Variants in ZSCAN12 observed in about 807,000 individuals in gnomAD.
ZSCAN12 encodes zinc finger and SCAN domain-containing protein 12.
In ZSCAN12, 18 loss-of-function variants were observed where a neutral mutation model predicts 23.4. The ratio of observed to expected loss-of-function variants is 0.77; its 90% CI spans 0.53 to 1.14. The LOEUF (loss-of-function observed/expected upper bound fraction) is 1.14, where lower values mean the gene tolerates loss of function less well. Ranked by LOEUF, ZSCAN12 falls within the 50% of genes most tolerant of loss-of-function variation. ZSCAN12 has a pLI of 0.00. For synonymous variants in ZSCAN12, 186 were observed against 253.4 expected, an observed-to-expected ratio of 0.73 and a Z score of 2.53; for missense variants, 650 against 735.0, an observed-to-expected ratio of 0.88 and a Z score of 1.34.
chr6:28,391,851 GTGAT>G lies in ZSCAN12; in HGVS notation c.548-113_548-110del, dbSNP rs1760856524. On this transcript the variant is annotated intron_variant, in intron 3 of 3. Coordinates refer to ENST00000684592, the MANE Select transcript of ZSCAN12 (RefSeq NM_001163391.2). The surrounding 1 kb of genome is among the most constrained non-coding windows in gnomAD (Gnocchi z 4.1). ...AAAAATGCAAGAGTCTACCATCTTA[GTGAT>G]AAAGAGAGCAAAATATATTTGTTTC... 1.1e-6 allele frequency: 1 copy of G among 927,200 alleles called. No homozygotes were observed. The highest frequency in any genetic ancestry group is 1.5e-6 in the Non-Finnish European group (1 of 648,546). The allele number at this position is 927,200 out of a possible 1,614,324, so 57.4% of individuals were successfully genotyped here. A position where few individuals can be genotyped will look rare whatever the true frequency, so the allele number is the denominator to read the frequency against.
chr6:28,390,487 A>C lies in ZSCAN12; in HGVS notation c.1803T>G (p.Thr601=), dbSNP rs1330039393. The C allele has an allele frequency of 6.5e-7, 1 of 1,548,308 alleles. No homozygotes were observed. Among genetic ancestry groups the C allele is most frequent in the East Asian group, 2.4e-5 (1 of 40,930 alleles). The change falls in exon 4 of 4, where the codon ACT becomes ACG. Residue 601 remains threonine, a synonymous_variant. Transcript: ENST00000684592. ...RQNSALTQHQ[T]IHKGEKSVSV ...AAACAGATTTTTCTCCTTTGTGGATAGTCTGATGTTGAGTAAGAGCTGAGT... is the reference window on the plus strand; with the variant it reads ...AAACAGATTTTTCTCCTTTGTGGATCGTCTGATGTTGAGTAAGAGCTGAGT...
chr6:28,389,403 G>C lies in ZSCAN12; in HGVS notation c.*1051C>G, dbSNP rs1760703971. Reference sequence around the variant, plus strand: ...ACATGTTCCCTGTAAGGATCTCCTTGTGCTAAAAGTCTGCAGTGGCCTTTA... The same window carrying C: ...ACATGTTCCCTGTAAGGATCTCCTTCTGCTAAAAGTCTGCAGTGGCCTTTA... On this transcript the variant is annotated 3_prime_UTR_variant, in exon 4 of 4. Coordinates refer to ENST00000684592, the MANE Select transcript of ZSCAN12 (RefSeq NM_001163391.2). 6.6e-6 allele frequency among the ~76,000 whole-genome samples: 1 copy of C among 152,166 alleles called. No individual in the cohort carries two copies. The highest frequency in any genetic ancestry group is 1.5e-5 in the Non-Finnish European group (1 of 68,046).
In ZSCAN12 at chr6:28,390,861, CT is replaced by C; in HGVS notation, c.1428del (p.Ala477ProfsTer149). The C allele has an allele frequency of 6.3e-7, 1 of 1,581,934 alleles. No individual in the cohort carries two copies. Among genetic ancestry groups the C allele is most frequent in the South Asian group, 1.1e-5 (1 of 86,970 alleles). ...EKPYKCDVCE[K>X]AFIQRTSLTE... is the part of the protein sequence containing the mutation. ...GTAAGACTTGTCCTTTGAATAAAGG[CT>C]TTTTCACATACGTCACATTTGTAGG... On this transcript the variant is annotated frameshift_variant, in exon 4 of 4. Transcript: ENST00000684592. LOFTEE classifies it low-confidence loss of function (END_TRUNC).
At chr6:28,382,157 C>T, downstream of ZSCAN12, 1 of 187,698 alleles carries the variant, frequency 5.3e-6, no homozygotes, top group Non-Finnish European at 1.1e-5. Context: ...TCATCGATTG[C>T]CTCGTCTCCA....
chr6:28,388,418 G>A lies in ZSCAN12; in HGVS notation c.*2036C>T, dbSNP rs1320923746. On this transcript the variant is annotated 3_prime_UTR_variant, in exon 4 of 4. Transcript: ENST00000684592. ...TACTTATACCATTATGACTTCTATGGGAATATGTGTTCATATTTACAACTT... is the reference window on the plus strand; with the variant it reads ...TACTTATACCATTATGACTTCTATGAGAATATGTGTTCATATTTACAACTT... Among the ~76,000 whole-genome samples the A allele has an allele frequency of 6.6e-6, 1 of 152,032 alleles. No homozygotes were observed. The highest frequency in any genetic ancestry group is 6.6e-5 in the Admixed American group (1 of 15,258).
At chr6:28,379,415 C>T (rs1308606581) in exon 5 of ZSCAN12, 2 of 152,164 alleles carry the variant, frequency 1.3e-5, no homozygotes, top group African/African-American at 2.4e-5. Flanking sequence ...GCCTGGCCAA[C>T]ATGGTGAAAC....
Position 28,398,198 on chromosome 6 carries a change from G to A in ZSCAN12, c.208C>T (p.Leu70Phe). 6.2e-7 allele frequency: 1 copy of A among 1,614,022 alleles called. No individual in the cohort carries two copies. The change falls in exon 2 of 4, where the codon CTT (leucine) becomes TTT (phenylalanine). Residue 70 changes from leucine to phenylalanine, a missense_variant. Transcript: ENST00000684592. The stretch of plus-strand genomic sequence containing the variant: ...TCTGGCCTCAGCCACTGATGGCAAA[G>A]TTCTCGGAGTCGGCTCAAAGCCTCA... ...PREALSRLRE[L>F]CHQWLRPETH... is the part of the protein sequence containing the mutation.
rs1188854027 is a variant in ZSCAN12 at position 28,387,770 on chromosome 6, G to A, written c.*2684C>T. ...TTGTGACCCAACCAATGACAAAGAA[G>A]TTCCCAACCTCCTTGGACTCTTGCT... On this transcript the variant is annotated 3_prime_UTR_variant, in exon 4 of 4. Transcript: ENST00000684592. Among the ~76,000 whole-genome samples, 1 of 152,200 alleles carries A rather than the reference G, an allele frequency of 6.6e-6. No homozygotes were observed. Among genetic ancestry groups the A allele is most frequent in the Non-Finnish European group, 1.5e-5 (1 of 68,034 alleles).
At chr6:28,396,019 ATTTTTT>A (rs70983941) in intron 2 of ZSCAN12, among the ~76,000 whole-genome samples, 1 of 132,180 alleles carries the variant, frequency 7.6e-6, no homozygotes, top group African/African-American at 2.9e-5. Context: ...GTGTTTGTTG[ATTTTTT>A]TTTTTTTTTT....
Position 28,398,245 on chromosome 6 carries a change from T to C in ZSCAN12, c.161A>G (p.Tyr54Cys). The change falls in exon 2 of 4, where the codon TAC (tyrosine) becomes TGC (cysteine). Residue 54 changes from tyrosine to cysteine, a missense_variant. Transcript: ENST00000684592. Reference sequence around the variant, plus strand: ...CTCACGGGGACCAGATGTCTCCTGGTAGCAGAACTGTCTGAAGTACTGACG... The same window carrying C: ...CTCACGGGGACCAGATGTCTCCTGGCAGCAGAACTGTCTGAAGTACTGACG... ...VFRQYFRQFC[Y>C]QETSGPREAL... is the part of the protein sequence containing the mutation. 1 of 1,613,972 alleles carries C rather than the reference T, an allele frequency of 6.2e-7. No homozygotes were observed. Among genetic ancestry groups the C allele is most frequent in the Non-Finnish European group, 8.5e-7 (1 of 1,179,942 alleles).
chr6:28,385,254 T>C lies in ZSCAN12; in HGVS notation c.*5200A>G, dbSNP rs1477442889. 1.3e-5 allele frequency among the ~76,000 whole-genome samples: 2 copies of C among 152,192 alleles called. No individual in the cohort carries two copies. The highest frequency in any genetic ancestry group is 4.8e-5 in the African/African-American group (2 of 41,450). On this transcript the variant is annotated 3_prime_UTR_variant, in exon 4 of 4. Transcript: ENST00000684592. ...TCTGTGAGAATAATGCAGAGTGATT[T>C]ATCATTCTAAGAAGGGTGATCTTTT... is the stretch of plus-strand genomic sequence containing the variant.
At position 28,387,622 on chromosome 6, in the gene ZSCAN12, A is replaced by G. The variant is rs1290159915; in HGVS notation, c.*2832T>C. Among the ~76,000 whole-genome samples the G allele has an allele frequency of 1.3e-5, 2 of 152,332 alleles. No homozygotes were observed. The highest frequency in any genetic ancestry group is 4.8e-5 in the African/African-American group (2 of 41,584). On this transcript the variant is annotated 3_prime_UTR_variant, in exon 4 of 4. Transcript: ENST00000684592. Reference sequence around the variant, plus strand: ...TTAAGGACCCTTTACCTATTCCTCCATGTAGGCTAATTTTAGAGCAGAGAT... The same window carrying G: ...TTAAGGACCCTTTACCTATTCCTCCGTGTAGGCTAATTTTAGAGCAGAGAT...
At chr6:28,393,978 C>G (rs555345290) in intron 2 of ZSCAN12, among the ~76,000 whole-genome samples, 1 of 152,266 alleles carries the variant, frequency 6.6e-6, no homozygotes, top group African/African-American at 2.4e-5. Context: ...ATACTCCTCT[C>G]CATTTCTTCT....
rs1761224284 is a variant in ZSCAN12, at chr6:28,398,273, AG to A, written c.132del (p.Phe45SerfsTer20). The A allele has an allele frequency of 5.6e-6, 9 of 1,610,028 alleles. No individual in the cohort carries two copies. Among genetic ancestry groups the A allele is most frequent in the African/African-American group, 1.3e-5 (1 of 74,844 alleles). ...CAGAACTGTCTGAAGTACTGACGGA[AG>A]ACCTCTCTGCTATGGGTGTTGTTTT... ...LRKNNTHSREVFRQYFRQFCY... is the reference protein window; with the variant it reads ...LRKNNTHSREXFRQYFRQFCY... On this transcript the variant is annotated frameshift_variant, in exon 2 of 4. Transcript: ENST00000684592. LOFTEE classifies it high-confidence loss of function.
At position 28,390,627 on chromosome 6, in the gene ZSCAN12, A is replaced by G. The variant is rs1760767558; in HGVS notation, c.1663T>C (p.Cys555Arg). Residue 555 changes from cysteine to arginine, a missense_variant, in exon 4 of 4, where the codon TGT becomes CGT. Transcript: ENST00000684592. ...CTGAAGGCTTTTCCACACTCATCAC[A>G]TTGGTAGGGCTTCTCCCCAGTGTGG... is the stretch of plus-strand genomic sequence containing the variant. The part of the protein sequence containing the change: ...RIHTGEKPYQ[C>R]DECGKAFRQR... The G allele has an allele frequency of 6.2e-7, 1 of 1,613,062 alleles. No homozygotes were observed. The highest frequency in any genetic ancestry group is 1.1e-5 in the South Asian group (1 of 90,842).
In ZSCAN12 at chr6:28,391,085, G is replaced by A; in HGVS notation, c.1205C>T (p.Thr402Ile). 1 of 1,552,630 alleles carries A rather than the reference G, an allele frequency of 6.4e-7. No homozygotes were observed. Among genetic ancestry groups the A allele is most frequent in the Admixed American group, 2.0e-5 (1 of 51,032 alleles). ...GCCGGTATGAACTCCTTGATGCTGA[G>A]TAAGTATGGAACGCCGACTAAAACT... ...NKSFSRRSIL[T>I]QHQGVHTGAK... Residue 402 changes from threonine to isoleucine, a missense_variant, in exon 4 of 4, where the codon ACT (threonine) becomes ATT (isoleucine). Transcript: ENST00000684592. The surrounding 1 kb of genome is among the most constrained non-coding windows in gnomAD (Gnocchi z 4.1).
chr6:28,390,143 A>G lies in ZSCAN12; in HGVS notation c.*311T>C, dbSNP rs1760739613. 1.0e-5 allele frequency among the ~76,000 whole-genome samples: 1 copy of G among 99,436 alleles called. No homozygotes were observed. The highest frequency in any genetic ancestry group is 9.0e-5 in the Admixed American group (1 of 11,086). The allele number at this position is 99,436 out of a possible 152,430, so 65.2% of individuals were successfully genotyped here. On this transcript the variant is annotated 3_prime_UTR_variant, in exon 4 of 4. Transcript: ENST00000684592. ...GTCCTTTAGAATTTACAGCACTTAT[A>G]GTCTGTTACAAAGTACCACTTTCAT... is the stretch of plus-strand genomic sequence containing the variant.
Position 28,387,374 on chromosome 6 carries a change from C to T in ZSCAN12, c.*3080G>A, listed in dbSNP as rs1760603738. 6.6e-6 allele frequency among the ~76,000 whole-genome samples: 1 copy of T among 152,080 alleles called. No homozygotes were observed. Among genetic ancestry groups the T allele is most frequent in the Admixed American group, 6.6e-5 (1 of 15,260 alleles). On this transcript the variant is annotated 3_prime_UTR_variant, in exon 4 of 4. Transcript: ENST00000684592. The stretch of plus-strand genomic sequence containing the variant: ...GTTTAAAACAACGATTGCATTCCAG[C>T]GAGCAGTCAGATTAAAAGAGAGGCT...
rs778627836 is a variant in ZSCAN12 at position 28,388,009 on chromosome 6, G to C, written c.*2445C>G. On this transcript the variant is annotated 3_prime_UTR_variant, in exon 4 of 4. Coordinates refer to ENST00000684592, the MANE Select transcript of ZSCAN12 (RefSeq NM_001163391.2). ...TCTTCTCTCCCGAGTTTTGGCTTTG[G>C]AGCCGCAAGCAGCTGAACCTTGGTT... Among the ~76,000 whole-genome samples the C allele has an allele frequency of 1.3e-5, 2 of 152,114 alleles. No homozygotes were observed. The highest frequency in any genetic ancestry group is 2.9e-5 in the Non-Finnish European group (2 of 68,028).
Sources: allele counts gnomAD v4.1 joint callset (sites outside exome capture counted in the v4.1 genomes callset), GRCh38; gene constraint gnomAD v4.1.1; non-coding constraint Gnocchi (gnomAD v3.1); transcripts MANE v1.5; gene names NCBI Gene and HGNC (gene_info 2026-07-23, HGNC 2026-07-21).